SLIT3: variants seen among roughly 807,000 people sequenced by gnomAD.
SLIT3 encodes slit guidance ligand 3, also known as slit homolog 3 protein.
SLIT3 carries 68 observed loss-of-function variants against 184.0 expected under a neutral mutation model. The ratio of observed to expected loss-of-function variants is 0.37; its 90% CI spans 0.30 to 0.45. SLIT3 has a LOEUF of 0.45. SLIT3 is among the 20% of genes least tolerant of loss of function. SLIT3 has a pLI of 1.00. For missense variants in SLIT3, 1,707 were observed against 2,026.0 expected (o/e 0.84, Z 3.02); for synonymous variants, 831 against 828.6 (o/e 1.00, Z -0.05).
At position 168,692,676 on chromosome 5, in the gene SLIT3, T is replaced by G; in HGVS notation, c.3107A>C (p.Asp1036Ala). The G allele has an allele frequency of 1.2e-6, 2 of 1,613,972 alleles. No individual in the cohort carries two copies. Among genetic ancestry groups the G allele is most frequent in the Non-Finnish European group, 1.7e-6 (2 of 1,179,910 alleles). The part of the protein sequence containing the change: ...YTGELCDEVI[D>A]HCVPELNLCQ... ...GAGGTTCAGCTCAGGCACACAGTGG[T>G]CAATCACCTCGTCGCATAGCTCACC... The change falls in exon 29 of 36, where the codon GAC becomes GCC. Residue 1036 changes from aspartate (D) to alanine (A), a missense_variant. Physicochemically the swap from Asp to Ala is moderately radical, Grantham distance 126. Coordinates refer to ENST00000519560, the MANE Select transcript of SLIT3 (RefSeq NM_003062.4).
In SLIT3 at chr5:168,691,859, A is replaced by C. The variant is rs2113250494; in HGVS notation, c.3176+748T>G. On this transcript the variant is annotated intron_variant, in intron 29 of 35. Coordinates refer to ENST00000519560, the MANE Select transcript of SLIT3 (RefSeq NM_003062.4). ...GAAAACCCCCAGTCTCAAGGGTCTC[A>C]CAATCTTCTCTAGAAGAGGCAGTGG... 1.3e-5 allele frequency among the ~76,000 whole-genome samples: 2 copies of C among 152,296 alleles called. 1 individual carries two copies. Among genetic ancestry groups the C allele is most frequent in the East Asian group, 3.9e-4 (2 of 5,176 alleles).
At chr5:168,978,085 C>G (rs540935285) in intron 4 of SLIT3, among the ~76,000 whole-genome samples, 1 of 152,304 alleles carries the variant, frequency 6.6e-6, no homozygotes, top group East Asian at 1.9e-4. Context: ...TCTGACAATC[C>G]CACACAGAGG....
rs558170553 is a variant in SLIT3 at position 169,109,583 on chromosome 5, T to G, written c.413+83896A>C. Among the ~76,000 whole-genome samples the G allele has an allele frequency of 1.4e-4, 22 of 152,324 alleles. No homozygotes were observed. In the South Asian group the frequency reaches 1.5e-3, roughly 10 times the overall value. On this transcript the variant is annotated intron_variant, in intron 4 of 35. Coordinates refer to ENST00000519560, the MANE Select transcript of SLIT3 (RefSeq NM_003062.4). ...CTGGTAGCAACTTATTATAGGGCAA[T>G]TGAAAATGAATACAGCCTCTAGGCT...
Position 169,248,269 on chromosome 5 carries a change from C to T in SLIT3, c.269+3119G>A, listed in dbSNP as rs568679119. Among the ~76,000 whole-genome samples the T allele has an allele frequency of 2.0e-5, 3 of 152,238 alleles. No homozygotes were observed. The East Asian group carries it at 5.8e-4, about 30-fold the overall frequency. On this transcript the variant is annotated intron_variant, in intron 2 of 35. Coordinates refer to ENST00000519560, the MANE Select transcript of SLIT3 (RefSeq NM_003062.4). ...CACCGCTAAATAAGTCTTTACTTCG[C>T]TCTCCTCATTTGCCCTCTTTTCTGC...
intron 4 of SLIT3, among the ~76,000 whole-genome samples, chr5:169,009,155 C>A (rs1057309523): frequency 6.6e-6 from 1 of 152,142 alleles, no homozygotes; most frequent in African/African-American, 2.4e-5. Context: ...GAGCACAAAG[C>A]AAGTGCACAT....
intron 4 of SLIT3, among the ~76,000 whole-genome samples, chr5:168,982,074 T>A (rs996736505): frequency 2.0e-5 from 3 of 152,238 alleles, no homozygotes; most frequent in Non-Finnish European, 4.4e-5. Flanking sequence ...AGATTTGTAA[T>A]TCTTTCCTTT....
At chr5:169,190,471 T>C (rs1451051250) in intron 4 of SLIT3, among the ~76,000 whole-genome samples, 1 of 152,232 alleles carries the variant, frequency 6.6e-6, no homozygotes, top group Non-Finnish European at 1.5e-5. Context: ...CTAACTTTAG[T>C]CACTAAACTA....
intron 4 of SLIT3, among the ~76,000 whole-genome samples, chr5:168,921,882 C>T (rs1159289117): frequency 1.3e-5 from 2 of 150,644 alleles, no homozygotes; most frequent in African/African-American, 4.8e-5. Context: ...AGACACTGGT[C>T]TAAGCTCATT....
intron 4 of SLIT3, among the ~76,000 whole-genome samples, chr5:168,910,115 G>C (rs183249575): frequency 1.3e-5 from 2 of 152,286 alleles, no homozygotes. Flanking sequence ...CTTCTTAAAA[G>C]AATTGTCTTC....
At chr5:168,760,721 G>A (rs1484628847) in intron 16 of SLIT3, 141 bp downstream of exon 16, 3 of 643,828 alleles carry the variant, frequency 4.7e-6, no homozygotes, top group East Asian at 5.3e-5. Flanking sequence ...CCTAACAGAG[G>A]CCACAGCGGG....
At chr5:168,714,172 C>T (rs1762645695) in intron 23 of SLIT3, among the ~76,000 whole-genome samples, 1 of 152,210 alleles carries the variant, frequency 6.6e-6, no homozygotes. Flanking sequence ...GAGCTAGAAG[C>T]ACTTCCTAAC....
intron 4 of SLIT3, among the ~76,000 whole-genome samples, chr5:169,073,271 C>A (rs17667264): frequency 0.038 from 5,784 of 152,216 alleles, 358 homozygotes; most frequent in East Asian, 0.23. Flanking sequence ...AGAGGACAAT[C>A]CTTAGCCCCG....
chr5:169,041,196 C>T (rs141316727), intron 4 of SLIT3, among the ~76,000 whole-genome samples: 203 of 152,324 alleles, frequency 1.3e-3, no homozygotes, highest in African/African-American at 4.8e-3. Context: ...GACGTGGCCC[C>T]AACTACTTCA....
chr5:169,170,013 C>A (rs552790928), intron 4 of SLIT3, among the ~76,000 whole-genome samples: 1 of 152,278 alleles, frequency 6.6e-6, no homozygotes, highest in South Asian at 2.1e-4. Context: ...GGGAATAGTC[C>A]CTTCAGGCAA....
In SLIT3 at chr5:168,690,297, G is replaced by A. The variant is rs530823093; in HGVS notation, c.3176+2310C>T. On this transcript the variant is annotated intron_variant, in intron 29 of 35. Coordinates refer to ENST00000519560, the MANE Select transcript of SLIT3 (RefSeq NM_003062.4). ...GATTGCAGGAGTGTGCCCACACCTG[G>A]CTAATTTTTGTATTTTCAGTAGAGA... is the stretch of plus-strand genomic sequence containing the variant. 1.4e-4 allele frequency among the ~76,000 whole-genome samples: 21 copies of A among 152,116 alleles called. 1 individual carries two copies. Among genetic ancestry groups the A allele is most frequent in the Admixed American group, 1.0e-3 (16 of 15,274 alleles).
intron 4 of SLIT3, among the ~76,000 whole-genome samples, chr5:168,927,417 T>G (rs762290091): frequency 6.6e-6 from 1 of 152,132 alleles, no homozygotes; most frequent in African/African-American, 2.4e-5. Context: ...TTTTGCAAGA[T>G]GAAAAGGGTT....
intron 5 of SLIT3, among the ~76,000 whole-genome samples, chr5:168,880,091 T>G (rs1025496939): frequency 2.0e-5 from 3 of 152,236 alleles, no homozygotes; most frequent in African/African-American, 7.2e-5. Context: ...AGGGACTGCT[T>G]ACTTTGGCCT....
At chr5:168,862,655 G>A (rs969168579) in intron 5 of SLIT3, among the ~76,000 whole-genome samples, 2 of 149,502 alleles carry the variant, frequency 1.3e-5, no homozygotes, top group Admixed American at 1.3e-4. Context: ...TAGAACATTG[G>A]TTTTTTTGTT....
At chr5:169,184,297 G>A (rs537667144) in intron 4 of SLIT3, among the ~76,000 whole-genome samples, 3 of 152,172 alleles carry the variant, frequency 2.0e-5, no homozygotes, top group African/African-American at 7.2e-5. Context: ...CACATCATAA[G>A]GTAGGGAAAA....
Sources: gnomAD v4.1 joint callset for allele counts (sites outside exome capture counted in the v4.1 genomes callset) on GRCh38, gnomAD v4.1.1 for gene constraint, MANE v1.5 for transcripts, NCBI Gene and HGNC (gene_info 2026-07-23, HGNC 2026-07-21) for gene names.